Variants in RGS18 observed in about 807,000 individuals in gnomAD.
The protein encoded by RGS18 is regulator of G-protein signaling 18.
Under a neutral mutation model 27.6 loss-of-function variants are expected in RGS18, and 22 were observed. The ratio of observed to expected loss-of-function variants is 0.80; its 90% CI spans 0.57 to 1.14. The LOEUF (loss-of-function observed/expected upper bound fraction) is 1.14, where lower values mean the gene tolerates loss of function less well. Among genes scored for constraint, RGS18 ranks in the 50% most tolerant of loss-of-function variants. RGS18 has a pLI of 0.00. For missense variants in RGS18, 299 were observed against 269.6 expected (o/e 1.11, Z -0.76); for synonymous variants, 89 against 84.6 (o/e 1.05, Z -0.29).
intron 3 of RGS18, among the ~76,000 whole-genome samples, chr1:192,164,739 T>C (rs1656134464): frequency 6.6e-6 from 1 of 152,176 alleles, no homozygotes; most frequent in African/African-American, 2.4e-5. Flanking sequence ...AGAATATAAA[T>C]TGTGAAGATT....
chr1:192,180,204 T>C (rs983020954), intron 3 of RGS18, among the ~76,000 whole-genome samples: 1 of 151,584 alleles, frequency 6.6e-6, no homozygotes, highest in Non-Finnish European at 1.5e-5. Flanking sequence ...ATAAAAATTA[T>C]CAAGATCACC....
chr1:192,181,393 C>G lies in RGS18; in HGVS notation c.385C>G (p.Gln129Glu), dbSNP rs201995582. 9.4e-5 allele frequency: 150 copies of G among 1,592,784 alleles called. No individual in the cohort carries two copies. The East Asian group carries it at 2.8e-3, about 30-fold the overall frequency. The stretch of plus-strand genomic sequence containing the variant: ...AGATTTCAAGAAAAGCAAGGGACCT[C>G]AACAAATTCACCTTAAAGCAAAAGC... ...CEDFKKSKGP[Q>E]QIHLKAKAIY... The change falls in exon 4 of 5, where the codon CAA becomes GAA. Residue 129 changes from glutamine to glutamate, a missense_variant. Transcript: ENST00000367460.
intron 4 of RGS18, among the ~76,000 whole-genome samples, chr1:192,183,305 T>G (rs1389696327): frequency 1.3e-5 from 2 of 151,592 alleles, no homozygotes; most frequent in African/African-American, 4.8e-5. Context: ...TAAAAGACAT[T>G]CATACTACAG....
intron 3 of RGS18, among the ~76,000 whole-genome samples, chr1:192,172,878 T>TATATATATATATATATATATAC (rs1553229372): frequency 2.9e-5 from 4 of 138,566 alleles, no homozygotes; most frequent in African/African-American, 1.0e-4. Flanking sequence ...TATATATATA[T>TATATATATATATATATATATAC]ATATAAATAT....
chr1:192,170,130 G>A (rs1011523609), intron 3 of RGS18, among the ~76,000 whole-genome samples: 2 of 151,974 alleles, frequency 1.3e-5, no homozygotes, highest in Non-Finnish European at 2.9e-5. Context: ...TTTTTGTGGT[G>A]GTTTTCTTTT....
chr1:192,181,438 C>T lies in RGS18; in HGVS notation c.430C>T (p.Gln144Ter), dbSNP rs1417258730. The T allele has an allele frequency of 1.2e-5, 19 of 1,562,714 alleles. No individual in the cohort carries two copies. The Admixed American group carries it at 3.4e-4, about 28-fold the overall frequency. The change falls in exon 4 of 5, where the codon CAG becomes TAG. Residue 144 changes from glutamine (Q) to a stop codon, truncating the protein, a stop_gained. Coordinates refer to ENST00000367460, the MANE Select transcript of RGS18 (RefSeq NM_130782.3). LOFTEE classifies it high-confidence loss of function. ...KAKAIYEKFI[Q>*]TDAPKEVNLD... ...AAAAGCAATATATGAGAAATTTATA[C>T]AGACTGATGCCCCAAAAGAGGTACA...
intron 3 of RGS18, among the ~76,000 whole-genome samples, chr1:192,162,911 G>T (rs1656098964): frequency 6.6e-6 from 1 of 152,186 alleles, no homozygotes; most frequent in Non-Finnish European, 1.5e-5. Flanking sequence ...GTATTTATTA[G>T]AAGGAAACAT....
Position 192,181,451 on chromosome 1 carries a change from CA to C in RGS18, c.447del (p.Glu150ArgfsTer44). The C allele has an allele frequency of 6.5e-7, 1 of 1,539,978 alleles. No individual in the cohort carries two copies. Among genetic ancestry groups the C allele is most frequent in the Non-Finnish European group, 8.7e-7 (1 of 1,150,822 alleles). On this transcript the variant is annotated frameshift_variant, in exon 4 of 5. Transcript: ENST00000367460. LOFTEE classifies it high-confidence loss of function. ...IYEKFIQTDA[P>X]KEVNLDFHTK... ...GAGAAATTTATACAGACTGATGCCC[CA>C]AAAGAGGTACAGTAAAGATAACTGT...
At chr1:192,169,842 A>T (rs922212894) in intron 3 of RGS18, 2 of 152,194 alleles carry the variant, frequency 1.3e-5, no homozygotes, top group Non-Finnish European at 2.9e-5. Context: ...ATTAGAAAGA[A>T]TCTATCAGCT....
intron 3 of RGS18, among the ~76,000 whole-genome samples, chr1:192,176,843 C>A (rs1272997227): frequency 1.3e-5 from 2 of 151,662 alleles, no homozygotes; most frequent in Admixed American, 1.3e-4. Context: ...ATAGTGATAT[C>A]CAACAGAGAG....
chr1:192,173,587 G>A (rs139183479), intron 3 of RGS18, among the ~76,000 whole-genome samples: 17 of 151,822 alleles, frequency 1.1e-4, no homozygotes, highest in East Asian at 3.9e-4. Context: ...ATTTTTGGGC[G>A]GAGAGAAATG....
intron 3 of RGS18, among the ~76,000 whole-genome samples, chr1:192,166,734 T>G (rs1192255592): frequency 6.6e-6 from 1 of 152,138 alleles, no homozygotes; most frequent in African/African-American, 2.4e-5. Flanking sequence ...ATATCTGTAA[T>G]AGATGCGAAA....
chr1:192,171,007 T>C (rs1656246138), intron 3 of RGS18, among the ~76,000 whole-genome samples: 1 of 152,116 alleles, frequency 6.6e-6, no homozygotes, highest in Non-Finnish European at 1.5e-5. Flanking sequence ...TCCCTATGGG[T>C]GCTTATGTGC....
At chr1:192,177,413 T>C (rs576954722) in intron 3 of RGS18, among the ~76,000 whole-genome samples, 3 of 151,634 alleles carry the variant, frequency 2.0e-5, no homozygotes, top group Non-Finnish European at 4.4e-5. Flanking sequence ...ATTAATTCAA[T>C]TATTTGTTGA....
chr1:192,173,585 G>A (rs1373310448), intron 3 of RGS18, among the ~76,000 whole-genome samples: 1 of 151,754 alleles, frequency 6.6e-6, no homozygotes, highest in Non-Finnish European at 1.5e-5. Context: ...GTATTTTTGG[G>A]CGGAGAGAAA....
chr1:192,175,742 G>A, intron 3 of RGS18, among the ~76,000 whole-genome samples: 1 of 151,796 alleles, frequency 6.6e-6, no homozygotes, highest in Admixed American at 6.6e-5. Context: ...AAAACTGCAT[G>A]GAGGCTTCTG....
intron 3 of RGS18, chr1:192,163,163 T>A (rs977945133): frequency 3.3e-5 from 5 of 152,210 alleles, no homozygotes; most frequent in African/African-American, 1.2e-4. Flanking sequence ...CAGGATTAAA[T>A]GAGATGATGA....
At chr1:192,162,652 C>G (rs1282802966) in intron 3 of RGS18, among the ~76,000 whole-genome samples, 2 of 152,198 alleles carry the variant, frequency 1.3e-5, no homozygotes, top group Non-Finnish European at 2.9e-5. Flanking sequence ...GCCCCGTACT[C>G]ACTTTCTTGC....
chr1:192,184,295 A>G lies in RGS18; in HGVS notation c.451-2A>G. ...AATCACACTTTTTTTCTGTTTATCC[A>G]GGTTAACCTTGATTTTCACACAAAA... On this transcript the variant is annotated splice_acceptor_variant, in intron 4 of 4. Coordinates refer to ENST00000367460, the MANE Select transcript of RGS18 (RefSeq NM_130782.3). LOFTEE classifies it high-confidence loss of function. 1.2e-6 allele frequency: 2 copies of G among 1,603,480 alleles called. No individual in the cohort carries two copies. Among genetic ancestry groups the G allele is most frequent in the Middle Eastern group, 1.7e-4 (1 of 6,020 alleles).
Sources: allele counts gnomAD v4.1 joint callset (sites outside exome capture counted in the v4.1 genomes callset), GRCh38; gene constraint gnomAD v4.1.1; transcripts MANE v1.5; gene names NCBI Gene and HGNC (gene_info 2026-07-23, HGNC 2026-07-21).